Variants in DDX10 observed in about 807,000 individuals in gnomAD.
DDX10 encodes the protein DEAD-box helicase 10, also known as probable ATP-dependent RNA helicase DDX10.
Under a neutral mutation model 104.3 loss-of-function variants are expected in DDX10, and 74 were observed. The observed-to-expected ratio is 0.71, with a 90% CI of 0.59 to 0.86. The LOEUF is 0.86. DDX10 is among the 40% of genes least tolerant of loss of function. The probability of loss-of-function intolerance (pLI) is 0.00; values close to 1 mark genes in which losing one functional copy is unlikely to be tolerated. For synonymous variants in DDX10, 351 were observed against 353.4 expected (o/e 0.99, Z 0.08); for missense variants, 952 against 1,040.0 (o/e 0.92, Z 1.16).
intron 13 of DDX10, among the ~76,000 whole-genome samples, chr11:108,797,781 GA>G (rs1861965898): frequency 6.6e-6 from 1 of 152,220 alleles, no homozygotes. Flanking sequence ...CCCAGATGAG[GA>G]AAGGTATAAA....
At chr11:108,702,945 CAA>C (rs1238126471) in intron 9 of DDX10, among the ~76,000 whole-genome samples, 1 of 152,106 alleles carries the variant, frequency 6.6e-6, no homozygotes, top group Non-Finnish European at 1.5e-5. Flanking sequence ...TATATTAATA[CAA>C]AAAATGTTTT....
intron 13 of DDX10, among the ~76,000 whole-genome samples, chr11:108,789,788 T>C (rs775175420): frequency 3.9e-5 from 6 of 152,198 alleles, no homozygotes; most frequent in African/African-American, 7.2e-5. Flanking sequence ...ATGAGAAACC[T>C]GGATGAAAGG....
At chr11:108,934,316 G>A (rs1864010445) in intron 17 of DDX10, among the ~76,000 whole-genome samples, 1 of 152,204 alleles carries the variant, frequency 6.6e-6, no homozygotes, top group Non-Finnish European at 1.5e-5. Context: ...ATAAATACAG[G>A]AAGAGCAGAT....
chr11:108,931,654 A>C (rs979613683), intron 17 of DDX10, among the ~76,000 whole-genome samples: 2 of 152,198 alleles, frequency 1.3e-5, no homozygotes, highest in African/African-American at 2.4e-5. Flanking sequence ...GTATCTTCCA[A>C]ATATACTGAG....
chr11:108,934,742 A>G (rs1387888097), intron 17 of DDX10, among the ~76,000 whole-genome samples: 1 of 152,246 alleles, frequency 6.6e-6, no homozygotes, highest in Non-Finnish European at 1.5e-5. Flanking sequence ...TGTGTTTGAA[A>G]AAACAAGTTA....
intron 16 of DDX10, among the ~76,000 whole-genome samples, chr11:108,899,947 C>T (rs1037575707): frequency 2.6e-5 from 4 of 152,114 alleles, no homozygotes; most frequent in African/African-American, 9.6e-5. Context: ...AACCTCATCT[C>T]TACTAAATAC....
At position 108,940,864 on chromosome 11, in the gene DDX10, T is replaced by C. The variant is rs1478504706; in HGVS notation, c.*441T>C. ...CAAAGAGACTATGATGGACCAGCCCTGAGAAAGAATGAGTATTTTTGAATT... is the reference window on the plus strand; with the variant it reads ...CAAAGAGACTATGATGGACCAGCCCCGAGAAAGAATGAGTATTTTTGAATT... On this transcript the variant is annotated 3_prime_UTR_variant, in exon 18 of 18. Coordinates refer to ENST00000322536, the MANE Select transcript of DDX10 (RefSeq NM_004398.4). 3 of 206,058 alleles carry C rather than the reference T, an allele frequency of 1.5e-5. No homozygotes were observed. Among genetic ancestry groups the C allele is most frequent in the African/African-American group, 4.6e-5 (2 of 43,854 alleles). 12.8% of individuals were successfully genotyped at this position (206,058 alleles called of 1,614,324 possible). A position where few individuals can be genotyped will look rare whatever the true frequency, so the allele number is the denominator to read the frequency against.
At chr11:108,681,717 T>C (rs1359405988) in intron 6 of DDX10, among the ~76,000 whole-genome samples, 2 of 152,228 alleles carry the variant, frequency 1.3e-5, no homozygotes, top group Non-Finnish European at 2.9e-5. Context: ...TTCTAATGAT[T>C]TTATTTTTGA....
At chr11:108,939,276 G>A (rs1157951905) in intron 17 of DDX10, among the ~76,000 whole-genome samples, 1 of 152,120 alleles carries the variant, frequency 6.6e-6, no homozygotes, top group South Asian at 2.1e-4. Flanking sequence ...TTGCCTTTGG[G>A]GCTGGATTCA....
chr11:108,786,568 A>C (rs1312153394), intron 13 of DDX10, among the ~76,000 whole-genome samples: 1 of 152,132 alleles, frequency 6.6e-6, no homozygotes, highest in East Asian at 1.9e-4. Context: ...TAGGATAGTT[A>C]AGTCTTCTTG....
chr11:108,878,914 G>T (rs1309404550), intron 16 of DDX10, among the ~76,000 whole-genome samples: 1 of 152,004 alleles, frequency 6.6e-6, no homozygotes, highest in African/African-American at 2.4e-5. Context: ...AAATACTTTT[G>T]CTTTCGTTAG....
chr11:108,837,607 C>CTTTTTTTT lies in DDX10; in HGVS notation c.1966-811_1966-804dup, dbSNP rs142381520. On this transcript the variant is annotated intron_variant, in intron 13 of 17. Transcript: ENST00000322536. ...TTCTGCATCTCACCTTTGGATACAGCTTTTTTTTTTTTTTTTTTTTTTTTT... is the reference window on the plus strand; with the variant it reads ...TTCTGCATCTCACCTTTGGATACAGCTTTTTTTTTTTTTTTTTTTTTTTTTTTTTTTTT... Among the ~76,000 whole-genome samples the CTTTTTTTT allele has an allele frequency of 1.3e-3, 45 of 34,748 alleles. 14 individuals are homozygous for CTTTTTTTT. The highest frequency in any genetic ancestry group is 2.6e-3 in the African/African-American group (21 of 7,928). 22.8% of individuals were successfully genotyped at this position (34,748 alleles called of 152,430 possible).
chr11:108,803,453 G>A (rs1313067754), intron 13 of DDX10, among the ~76,000 whole-genome samples: 2 of 151,868 alleles, frequency 1.3e-5, no homozygotes, highest in African/African-American at 4.8e-5. Context: ...AATTAGCCGA[G>A]CGTGATGGCA....
chr11:108,865,499 G>C (rs552570839), intron 16 of DDX10, among the ~76,000 whole-genome samples: 2 of 152,184 alleles, frequency 1.3e-5, no homozygotes, highest in African/African-American at 4.8e-5. Context: ...TAACCATTTC[G>C]GTAGAAAGGA....
intron 13 of DDX10, among the ~76,000 whole-genome samples, chr11:108,824,841 G>A (rs538172476): frequency 5.3e-4 from 81 of 152,066 alleles, no homozygotes; most frequent in African/African-American, 1.8e-3. Flanking sequence ...CCAGCCAGGC[G>A]AACAGAACAG....
chr11:108,927,984 C>T (rs557579508), intron 17 of DDX10, among the ~76,000 whole-genome samples: 13 of 152,134 alleles, frequency 8.5e-5, no homozygotes, highest in Non-Finnish European at 1.3e-4. Context: ...ATTGTGTCCT[C>T]GCAGCCCAGG....
At chr11:108,690,189 C>T (rs2094250275) in intron 7 of DDX10, 1 of 152,198 alleles carries the variant, frequency 6.6e-6, no homozygotes, top group African/African-American at 2.4e-5. Flanking sequence ...AACTTCACAT[C>T]TCCTAAAGAA....
rs11827980 is a variant in DDX10 at position 108,830,230 on chromosome 11, C to A, written c.1966-8216C>A. Among the ~76,000 whole-genome samples the A allele has an allele frequency of 6.1e-3, 929 of 152,288 alleles. 9 individuals are homozygous for A. The highest frequency in any genetic ancestry group is 0.021 in the African/African-American group (886 of 41,568). On this transcript the variant is annotated intron_variant, in intron 13 of 17. Transcript: ENST00000322536. ...TTTCCATTTGTGTCATCTGTGATTT[C>A]TTTCAGCAGCAGTGTTTTGTAGTTT...
At chr11:108,739,069 C>A (rs12801246) in intron 13 of DDX10, among the ~76,000 whole-genome samples, 4,180 of 152,252 alleles carry the variant, frequency 0.027, 99 homozygotes, top group Non-Finnish European at 0.042. Context: ...AACTCTGCCC[C>A]CCCAGGGAGA....
Sources: allele counts gnomAD v4.1 joint callset (sites outside exome capture counted in the v4.1 genomes callset), GRCh38; gene constraint gnomAD v4.1.1; transcripts MANE v1.5; gene names NCBI Gene and HGNC (gene_info 2026-07-23, HGNC 2026-07-21).